Variants in DYRK1A observed in about 807,000 individuals in gnomAD.
DYRK1A encodes the protein dual specificity tyrosine phosphorylation regulated kinase 1A.
A neutral mutation model predicts 79.7 loss-of-function variants in DYRK1A; 9 were observed. That is an observed-to-expected ratio of 0.11 (90% CI 0.07 to 0.20). The LOEUF is 0.20. Ranked by LOEUF, DYRK1A falls within the 10% of genes least tolerant of loss-of-function variation. The pLI is 1.00. For missense variants in DYRK1A, 622 were observed against 956.0 expected, an observed-to-expected ratio of 0.65 and a Z score of 4.61; for synonymous variants, 349 against 329.7, an observed-to-expected ratio of 1.06 and a Z score of -0.63.
At chr21:37,405,230 G>T (rs1247688715) in intron 1 of DYRK1A, among the ~76,000 whole-genome samples, 1 of 152,134 alleles carries the variant, frequency 6.6e-6, no homozygotes, top group Non-Finnish European at 1.5e-5. Flanking sequence ...CATGGCCCAG[G>T]CAGATGCTGT....
At position 37,519,622 on chromosome 21, in the gene DYRK1A, GCTGA is replaced by G. The variant is rs1252065368; in HGVS notation, c.*7094_*7097del. 1 of 152,064 alleles carries G rather than the reference GCTGA, an allele frequency of 6.6e-6. No individual in the cohort carries two copies. Among genetic ancestry groups the G allele is most frequent in the Non-Finnish European group, 1.5e-5 (1 of 68,050 alleles). 9.4% of individuals were successfully genotyped at this position (152,064 alleles called of 1,614,324 possible). ...GAGGGCTAAACAGCATTGCTTTCCA[GCTGA>G]CTTTTATTTTTGGAGTCTGGGACTA... On this transcript the variant is annotated 3_prime_UTR_variant, in exon 12 of 12. Coordinates refer to ENST00000647188, the MANE Select transcript of DYRK1A (RefSeq NM_001347721.2).
At chr21:37,494,300 T>G (rs986817207) in intron 8 of DYRK1A, among the ~76,000 whole-genome samples, 1 of 152,044 alleles carries the variant, frequency 6.6e-6, no homozygotes, top group Admixed American at 6.5e-5. Context: ...GTATCTTTCT[T>G]GGGCTTAAAC....
chr21:37,369,828 A>T (rs552398041), intron 1 of DYRK1A, among the ~76,000 whole-genome samples: 41 of 152,336 alleles, frequency 2.7e-4, no homozygotes, highest in Non-Finnish European at 5.3e-4. Context: ...CATCTCTTAA[A>T]CCTTTTAACA....
chr21:37,494,696 G>A (rs2053205993), intron 8 of DYRK1A, among the ~76,000 whole-genome samples: 1 of 151,602 alleles, frequency 6.6e-6, no homozygotes, highest in African/African-American at 2.4e-5. Context: ...ACCTGTAGTC[G>A]CAGCACTTTG....
At chr21:37,492,171 T>G (rs574170808) in intron 7 of DYRK1A, among the ~76,000 whole-genome samples, 2 of 152,358 alleles carry the variant, frequency 1.3e-5, no homozygotes, top group East Asian at 3.9e-4. Context: ...AATTAGACTT[T>G]CTTCTCATAG....
intron 1 of DYRK1A, among the ~76,000 whole-genome samples, chr21:37,376,210 A>C (rs1364378572): frequency 6.6e-6 from 1 of 152,170 alleles, no homozygotes; most frequent in Non-Finnish European, 1.5e-5. Context: ...TTACTGAGAA[A>C]AATGAAGGGT....
rs2053441578 is a variant in DYRK1A, at chr21:37,519,561, C to A, written c.*7030C>A. The A allele has an allele frequency of 6.6e-6, 1 of 152,104 alleles. No homozygotes were observed. The highest frequency in any genetic ancestry group is 2.4e-5 in the African/African-American group (1 of 41,402). 9.4% of individuals were successfully genotyped at this position (152,104 alleles called of 1,614,324 possible). A position where few individuals can be genotyped will look rare whatever the true frequency, so the allele number is the denominator to read the frequency against. On this transcript the variant is annotated 3_prime_UTR_variant, in exon 12 of 12. Transcript: ENST00000647188. ...TCTTTTTCTACGTAAATACAGCAAA[C>A]AATGCAGGGAAATGAGGTGGACAGT...
intron 5 of DYRK1A, among the ~76,000 whole-genome samples, chr21:37,483,567 T>TTTTG (rs2052736134): frequency 1.3e-5 from 2 of 152,042 alleles, no homozygotes; most frequent in African/African-American, 4.8e-5. Context: ...GGAGTCCTTT[T>TTTTG]TTTTGTTTTG....
chr21:37,377,811 A>C (rs558469976), intron 1 of DYRK1A, among the ~76,000 whole-genome samples: 1 of 152,296 alleles, frequency 6.6e-6, no homozygotes, highest in East Asian at 1.9e-4. Flanking sequence ...ACCTCTGTTT[A>C]GTCAGACTGC....
chr21:37,417,529 CTTTT>C (rs3216074), intron 1 of DYRK1A, among the ~76,000 whole-genome samples: 41 of 44,044 alleles, frequency 9.3e-4, no homozygotes, highest in African/African-American at 3.9e-3. Flanking sequence ...TTTTCTTTTT[CTTTT>C]TTTTTTTTTT....
At chr21:37,479,612 GTTTTTTGTTTT>G (rs1323119352) in intron 4 of DYRK1A, among the ~76,000 whole-genome samples, 3 of 47,176 alleles carry the variant, frequency 6.4e-5, no homozygotes, top group South Asian at 9.5e-4. Flanking sequence ...TTTTGTTTTT[GTTTTTTGTTTT>G]TTTTTTTTTT....
intron 1 of DYRK1A, chr21:37,420,026 A>G (rs2050434201): frequency 5.7e-6 from 1 of 175,554 alleles, no homozygotes. Context: ...GGTTTATTTG[A>G]TACCTAGAAA....
At chr21:37,488,329 T>G (rs1488759101) in intron 6 of DYRK1A, 1 of 966,342 alleles carries the variant, frequency 1.0e-6, no homozygotes. Context: ...TCATATCAAT[T>G]GAATTGATAC....
chr21:37,410,787 CCTGTAATCT>C (rs1001441984), intron 1 of DYRK1A: 6 of 152,266 alleles, frequency 3.9e-5, no homozygotes, highest in African/African-American at 1.4e-4. Context: ...GTGGCTCACG[CCTGTAATCT>C]CAGTACTCTG....
At chr21:37,421,395 A>G (rs979585986) in intron 2 of DYRK1A, among the ~76,000 whole-genome samples, 1 of 152,092 alleles carries the variant, frequency 6.6e-6, no homozygotes, top group Non-Finnish European at 1.5e-5. Flanking sequence ...TCGGTGTACT[A>G]TTTTGTATGA....
At chr21:37,444,095 C>G (rs1205298840) in intron 2 of DYRK1A, among the ~76,000 whole-genome samples, 1 of 152,180 alleles carries the variant, frequency 6.6e-6, no homozygotes, top group Non-Finnish European at 1.5e-5. Flanking sequence ...TTCTGCTTCT[C>G]TTTCTTAAAA....
At chr21:37,497,649 TCTG>T (rs1391769606) in intron 9 of DYRK1A, among the ~76,000 whole-genome samples, 1 of 152,230 alleles carries the variant, frequency 6.6e-6, no homozygotes, top group East Asian at 1.9e-4. Context: ...ATATTTTGCT[TCTG>T]CTATTTTTTT....
intron 2 of DYRK1A, among the ~76,000 whole-genome samples, chr21:37,457,698 A>G (rs753889676): frequency 6.6e-6 from 1 of 152,228 alleles, no homozygotes. Context: ...GCAATTCAAT[A>G]TAGGTACCAA....
chr21:37,488,373 T>C, intron 6 of DYRK1A: 3 of 882,216 alleles, frequency 3.4e-6, no homozygotes, highest in Non-Finnish European at 4.1e-6. Context: ...TCATATTGAT[T>C]TTTATGATGT....
Sources: gnomAD v4.1 joint callset for allele counts (sites outside exome capture counted in the v4.1 genomes callset) on GRCh38, gnomAD v4.1.1 for gene constraint, MANE v1.5 for transcripts, NCBI Gene and HGNC (gene_info 2026-07-23, HGNC 2026-07-21) for gene names.